Variants in CRHR1 observed in about 807,000 individuals in gnomAD.
CRHR1 encodes corticotropin releasing hormone receptor 1.
Under a neutral mutation model 56.0 loss-of-function variants are expected in CRHR1, and 28 were observed. That is an observed-to-expected ratio of 0.50 (90% CI 0.37 to 0.69). The LOEUF (loss-of-function observed/expected upper bound fraction) is 0.69. Among genes scored for constraint, CRHR1 ranks in the 30% least tolerant of loss-of-function variants. The probability of loss-of-function intolerance (pLI) is 0.00; values close to 1 mark genes in which losing one functional copy is unlikely to be tolerated. For synonymous variants in CRHR1, 195 were observed against 216.5 expected, an observed-to-expected ratio of 0.90 and a Z score of 0.87; for missense variants, 376 against 548.0, an observed-to-expected ratio of 0.69 and a Z score of 3.13.
intron 1 of CRHR1, chr17:45,800,357 A>G (rs2061600043): frequency 6.6e-6 from 1 of 152,208 alleles, no homozygotes; most frequent in Non-Finnish European, 1.5e-5. Flanking sequence ...AGGAGAGGCC[A>G]GGTCCAGCCT....
At chr17:45,800,780 A>G (rs1013364539) in intron 1 of CRHR1, 1 of 152,208 alleles carries the variant, frequency 6.6e-6, no homozygotes, top group African/African-American at 2.4e-5. Flanking sequence ...CAAGCTGAGC[A>G]TCAGTGCTAG....
At chr17:45,816,290 T>A (rs1012664751) in intron 2 of CRHR1, among the ~76,000 whole-genome samples, 173 bp from the exon 3 acceptor site, 1 of 152,198 alleles carries the variant, frequency 6.6e-6, no homozygotes, top group African/African-American at 2.4e-5. Context: ...TCCCCTTGTG[T>A]CTTCTTTGCA....
intron 4 of CRHR1, 27 bp downstream of exon 4, chr17:45,821,467 C>T (rs776520636): frequency 1.2e-6 from 2 of 1,601,822 alleles, no homozygotes; most frequent in Non-Finnish European, 1.7e-6. Context: ...CAAGGCTGCC[C>T]ATATGGAGGG....
In CRHR1 at chr17:45,784,525, G is replaced by C. The variant is rs777397505; in HGVS notation, c.-20G>C. On this transcript the variant is annotated 5_prime_UTR_variant, in exon 1 of 13. Transcript: ENST00000314537. This position sits in a 1 kb window ranked among gnomAD's most constrained non-coding sequence, Gnocchi z 4.2. The stretch of plus-strand genomic sequence containing the variant: ...CCGTAGGACCCGGGCATTCAGGACG[G>C]TAGCCGAGCGAGCCCGAGGATGGGA... The C allele has an allele frequency of 6.5e-7, 1 of 1,545,504 alleles. No individual in the cohort carries two copies. The highest frequency in any genetic ancestry group is 1.2e-5 in the South Asian group (1 of 83,734).
At chr17:45,834,454 T>TA (rs2062391676) in intron 12 of CRHR1, among the ~76,000 whole-genome samples, 170 bp from the exon 13 acceptor site, 1 of 152,144 alleles carries the variant, frequency 6.6e-6, no homozygotes, top group African/African-American at 2.4e-5. Flanking sequence ...TTCCGACAAA[T>TA]ATGCAAAGCA....
At chr17:45,822,186 T>C (rs1453678937) in intron 4 of CRHR1, among the ~76,000 whole-genome samples, 1 of 152,248 alleles carries the variant, frequency 6.6e-6, no homozygotes, top group African/African-American at 2.4e-5. Flanking sequence ...TCCATATCAG[T>C]ACATAAAGAG....
intron 1 of CRHR1, 73 bp from the exon 2 acceptor site, chr17:45,806,937 C>T (rs2061730826): frequency 7.2e-7 from 1 of 1,395,344 alleles, no homozygotes; most frequent in Admixed American, 1.8e-5. Flanking sequence ...CTGCAGTTTT[C>T]CTGGGTGATG....
chr17:45,788,459 A>G (rs1302047117), intron 1 of CRHR1, among the ~76,000 whole-genome samples: 1 of 151,690 alleles, frequency 6.6e-6, no homozygotes, highest in Non-Finnish European at 1.5e-5. Context: ...GATTCCCAGC[A>G]CTCCCCCTTC....
intron 3 of CRHR1, among the ~76,000 whole-genome samples, chr17:45,820,886 C>T (rs1024865307): frequency 2.0e-5 from 3 of 152,218 alleles, no homozygotes; most frequent in Non-Finnish European, 4.4e-5. Flanking sequence ...TGTCATGCCA[C>T]CTGCCACGCG....
chr17:45,797,045 A>G (rs565833886), intron 1 of CRHR1, among the ~76,000 whole-genome samples: 1 of 152,344 alleles, frequency 6.6e-6, no homozygotes, highest in South Asian at 2.1e-4. Context: ...TAGCAAATCC[A>G]TATCATTGAC....
chr17:45,828,335 G>C (rs1323819381), intron 4 of CRHR1, among the ~76,000 whole-genome samples: 1 of 152,236 alleles, frequency 6.6e-6, no homozygotes, highest in Non-Finnish European at 1.5e-5. Flanking sequence ...GCGACCTCCA[G>C]CGCGTCAGCA....
At chr17:45,810,978 C>G (rs895182431) in intron 2 of CRHR1, among the ~76,000 whole-genome samples, 1 of 152,262 alleles carries the variant, frequency 6.6e-6, no homozygotes, top group Non-Finnish European at 1.5e-5. Context: ...GGCTGCTCCC[C>G]CTCTGGACAG....
intron 1 of CRHR1, among the ~76,000 whole-genome samples, chr17:45,798,449 C>G (rs2061559459): frequency 1.3e-5 from 2 of 150,244 alleles, no homozygotes; most frequent in African/African-American, 5.0e-5. Context: ...TCTCTTTAAC[C>G]CAGGAGGTAG....
intron 2 of CRHR1, among the ~76,000 whole-genome samples, chr17:45,810,200 G>T (rs1206713957): frequency 6.6e-6 from 1 of 152,112 alleles, no homozygotes; most frequent in Non-Finnish European, 1.5e-5. Flanking sequence ...CATGAGAATC[G>T]CTTGAGCCTC....
At chr17:45,829,552 C>G in intron 5 of CRHR1, 5 of 1,548,164 alleles carry the variant, frequency 3.2e-6, no homozygotes, top group Non-Finnish European at 4.4e-6. Context: ...TTATGTCACC[C>G]ATACCCAGGC....
In CRHR1 at chr17:45,829,390, G is replaced by A; in HGVS notation, c.434+69G>A. 4 of 1,466,714 alleles carry A rather than the reference G, an allele frequency of 2.7e-6. No individual in the cohort carries two copies. The South Asian group carries it at 4.7e-5, about 17-fold the overall frequency. 90.9% of individuals were successfully genotyped at this position (1,466,714 alleles called of 1,614,324 possible). ...GAGCAGAAGCAGGGTGGAGAAGTGA[G>A]AGGAGCAGCTCTAGGTTGGGGTGGG... On this transcript the variant is annotated intron_variant, in intron 5 of 12. Transcript: ENST00000314537.
intron 3 of CRHR1, among the ~76,000 whole-genome samples, chr17:45,819,905 C>T (rs1008968322): frequency 2.0e-5 from 3 of 152,226 alleles, no homozygotes; most frequent in Non-Finnish European, 2.9e-5. Context: ...TCATCACCTT[C>T]TTGTCCTGAT....
At chr17:45,788,064 C>T (rs943129360) in intron 1 of CRHR1, among the ~76,000 whole-genome samples, 2 of 152,254 alleles carry the variant, frequency 1.3e-5, no homozygotes, top group African/African-American at 4.8e-5. Context: ...CTCACCCTCT[C>T]TAACATTTGG....
At chr17:45,808,006 G>A (rs2061751642) in intron 2 of CRHR1, among the ~76,000 whole-genome samples, 1 of 152,114 alleles carries the variant, frequency 6.6e-6, no homozygotes, top group Non-Finnish European at 1.5e-5. Context: ...AAATGGAGAG[G>A]GTCCCTGCAC....
Sources: gnomAD v4.1 joint callset for allele counts (sites outside exome capture counted in the v4.1 genomes callset) on GRCh38, gnomAD v4.1.1 for gene constraint, Gnocchi (gnomAD v3.1) non-coding constraint, MANE v1.5 for transcripts, NCBI Gene and HGNC (gene_info 2026-07-23, HGNC 2026-07-21) for gene names.